Variants in NAA60 observed in about 807,000 individuals in gnomAD.
NAA60 encodes N-alpha-acetyltransferase 60.
NAA60 carries 8 observed loss-of-function variants against 26.1 expected under a neutral mutation model. The ratio of observed to expected loss-of-function variants is 0.31; its 90% CI spans 0.18 to 0.55. The LOEUF is 0.55. NAA60 is among the 20% of genes least tolerant of loss of function. NAA60 has a pLI of 0.93. For missense variants in NAA60, 290 were observed against 311.3 expected, an observed-to-expected ratio of 0.93 and a Z score of 0.51; for synonymous variants, 131 against 122.5, an observed-to-expected ratio of 1.07 and a Z score of -0.46.
At chr16:3,485,181 AC>A in intron 7 of NAA60, 120 bp downstream of exon 7, 1 of 723,024 alleles carries the variant, frequency 1.4e-6, no homozygotes, top group Non-Finnish European at 2.5e-6. Context: ...TGCAGAGTCC[AC>A]CACCTTATGC....
chr16:3,446,347 C>T (rs1469657431), intron 1 of NAA60, among the ~76,000 whole-genome samples: 1 of 151,834 alleles, frequency 6.6e-6, no homozygotes, highest in Non-Finnish European at 1.5e-5. Context: ...CTGGCTAACA[C>T]GATGAAACCC....
At chr16:3,445,292 T>C (rs1244300904) in intron 1 of NAA60, among the ~76,000 whole-genome samples, 2 of 151,316 alleles carry the variant, frequency 1.3e-5, no homozygotes. Flanking sequence ...TTTTTTTTTT[T>C]TTGAGACAGT....
intron 1 of NAA60, among the ~76,000 whole-genome samples, chr16:3,444,756 A>G (rs1596273364): frequency 6.6e-6 from 1 of 152,328 alleles, no homozygotes; most frequent in South Asian, 2.1e-4. Flanking sequence ...TGCCACCCTA[A>G]GCATGTTGGT....
At chr16:3,460,044 G>A (rs544209704) in intron 2 of NAA60, among the ~76,000 whole-genome samples, 5 of 152,278 alleles carry the variant, frequency 3.3e-5, no homozygotes, top group Non-Finnish European at 7.3e-5. Context: ...GGGTGTACCT[G>A]TTAGCGGTGG....
intron 2 of NAA60, among the ~76,000 whole-genome samples, chr16:3,457,566 G>A (rs1471849483): frequency 6.6e-6 from 1 of 152,274 alleles, no homozygotes; most frequent in Non-Finnish European, 1.5e-5. Context: ...GGACGGCTGA[G>A]AATCCAGTGT....
At position 3,483,575 on chromosome 16, in the gene NAA60, G is replaced by A. The variant is rs2036980231; in HGVS notation, c.550G>A (p.Gly184Ser). ...GFTYVLYING[G>S]HPPWTILDYI... ...CACCTATGTCCTCTACATCAACGGCGGCCACCCTCCCTGGACGATTTTATA... is the reference window on the plus strand; with the variant it reads ...CACCTATGTCCTCTACATCAACGGCAGCCACCCTCCCTGGACGATTTTATA... Residue 184 changes from glycine to serine, a missense_variant, in exon 6 of 8, where the codon GGC becomes AGC. Gly to Ser is a moderately conservative substitution (Grantham distance 56, BLOSUM62 0). Transcript: ENST00000407558. 2 of 1,612,226 alleles carry A rather than the reference G, an allele frequency of 1.2e-6. No individual in the cohort carries two copies. The highest frequency in any genetic ancestry group is 1.3e-5 in the African/African-American group (1 of 74,862).
intron 2 of NAA60, 77 bp from the exon 3 acceptor site, chr16:3,476,145 G>T: frequency 8.8e-7 from 1 of 1,139,422 alleles, no homozygotes; most frequent in Admixed American, 2.1e-5. Flanking sequence ...GTGCTCTTCT[G>T]TCTCGCCTGC....
rs1265552729 is a variant in NAA60, at chr16:3,485,770, C to A, written c.*510C>A. 3 of 431,088 alleles carry A rather than the reference C, an allele frequency of 7.0e-6. No homozygotes were observed. Among genetic ancestry groups the A allele is most frequent in the Non-Finnish European group, 1.4e-5 (3 of 211,754 alleles). The allele number at this position is 431,088 out of a possible 1,614,324, so 26.7% of individuals were successfully genotyped here. Reference sequence around the variant, plus strand: ...TGGCCCGTCCCCTTCCAGAACCAGCCCAAAGAAGCCTGGGGGGTGAGGAGT... The same window carrying A: ...TGGCCCGTCCCCTTCCAGAACCAGCACAAAGAAGCCTGGGGGGTGAGGAGT... On this transcript the variant is annotated 3_prime_UTR_variant, in exon 8 of 8. Transcript: ENST00000407558.
intron 4 of NAA60, among the ~76,000 whole-genome samples, chr16:3,480,442 C>T (rs895016329): frequency 1.4e-5 from 2 of 147,692 alleles, no homozygotes; most frequent in Non-Finnish European, 3.0e-5. Context: ...ACTAAAAATA[C>T]AAAAATTAGC....
At chr16:3,479,650 G>T (rs1055814221) in intron 4 of NAA60, 50 bp downstream of exon 4, 2 of 1,594,854 alleles carry the variant, frequency 1.3e-6, no homozygotes, top group Non-Finnish European at 1.7e-6. Context: ...CATTGGACGG[G>T]CCAAGGGGGC....
intron 2 of NAA60, among the ~76,000 whole-genome samples, chr16:3,475,622 G>A (rs2036431007): frequency 1.3e-5 from 2 of 152,216 alleles, no homozygotes; most frequent in African/African-American, 4.8e-5. Context: ...GACTTGAACT[G>A]TGGTGTCCCC....
intron 4 of NAA60, among the ~76,000 whole-genome samples, chr16:3,480,222 G>A (rs893561679): frequency 6.6e-6 from 1 of 152,190 alleles, no homozygotes; most frequent in Non-Finnish European, 1.5e-5. Context: ...TTTACCACCC[G>A]AGGATTTAGC....
At chr16:3,457,881 C>A (rs2035078623) in intron 2 of NAA60, 2 of 756,744 alleles carry the variant, frequency 2.6e-6, no homozygotes, top group Non-Finnish European at 3.2e-6. Context: ...CATACGGGAT[C>A]CTGGGCCTGG....
chr16:3,465,726 C>T (rs570943518), intron 2 of NAA60, among the ~76,000 whole-genome samples: 1 of 152,228 alleles, frequency 6.6e-6, no homozygotes, highest in Non-Finnish European at 1.5e-5. Flanking sequence ...TTCATGTTTG[C>T]CGTGAGATTC....
At chr16:3,465,512 C>T (rs1336002606) in intron 2 of NAA60, among the ~76,000 whole-genome samples, 1 of 152,160 alleles carries the variant, frequency 6.6e-6, no homozygotes, top group Non-Finnish European at 1.5e-5. Flanking sequence ...CACAATCCAG[C>T]CCTGGCTCAA....
chr16:3,448,374 T>G, intron 1 of NAA60, 97 bp from the exon 2 acceptor site: 131 of 934,460 alleles, frequency 1.4e-4, no homozygotes, highest in Non-Finnish European at 1.8e-4. Context: ...ATTGATACTC[T>G]GAGATCCAGG....
intron 2 of NAA60, among the ~76,000 whole-genome samples, chr16:3,450,699 C>CAAA (rs539095336): frequency 1.0e-3 from 76 of 73,560 alleles, no homozygotes; most frequent in Non-Finnish European, 1.4e-3. Flanking sequence ...GACTCCGTCT[C>CAAA]AAAAAAAAAA....
At chr16:3,477,237 A>T (rs975078431) in intron 3 of NAA60, among the ~76,000 whole-genome samples, 1 of 152,180 alleles carries the variant, frequency 6.6e-6, no homozygotes, top group African/African-American at 2.4e-5. Context: ...TGGGTAGATT[A>T]ATATTAGGCC....
At position 3,467,061 on chromosome 16, in the gene NAA60, A is replaced by G. The variant is rs574013633; in HGVS notation, c.-6-9161A>G. 7.2e-5 allele frequency among the ~76,000 whole-genome samples: 11 copies of G among 152,180 alleles called. No homozygotes were observed. In the South Asian group the frequency reaches 1.5e-3, roughly 20 times the overall value. Reference sequence around the variant, plus strand: ...CTGTCAGAGGTGCGGAAAGCCTGACATTGAAAATGTCAGACAGTGGGTGCT... The same window carrying G: ...CTGTCAGAGGTGCGGAAAGCCTGACGTTGAAAATGTCAGACAGTGGGTGCT... On this transcript the variant is annotated intron_variant, in intron 2 of 7. Transcript: ENST00000407558.
Sources: allele counts gnomAD v4.1 joint callset (sites outside exome capture counted in the v4.1 genomes callset), GRCh38; gene constraint gnomAD v4.1.1; transcripts MANE v1.5; gene names NCBI Gene and HGNC (gene_info 2026-07-23, HGNC 2026-07-21).